The following MYOF variants were observed in gnomAD, a reference collection of about 807,000 sequenced individuals.
MYOF encodes myoferlin, also known as fer-1-like 3, myoferlin.
In MYOF, 244 loss-of-function variants were observed where a neutral mutation model predicts 284.2. The observed-to-expected ratio is 0.86, with a 90% CI of 0.77 to 0.95. The LOEUF (loss-of-function observed/expected upper bound fraction) is 0.95, where lower values mean the gene tolerates loss of function less well. Among genes scored for constraint, MYOF ranks in the 40% least tolerant of loss-of-function variants. The pLI is 0.00. For synonymous variants in MYOF, 904 were observed against 919.7 expected (o/e 0.98, Z 0.31); for missense variants, 2,496 against 2,560.6 (o/e 0.97, Z 0.54).
rs762488103 is a variant in MYOF, at chr10:93,333,832, C to G, written c.4645G>C (p.Val1549Leu). 2.0e-5 allele frequency: 32 copies of G among 1,613,966 alleles called. No homozygotes were observed. The South Asian group carries it at 2.9e-4, about 14-fold the overall frequency. ...PRQFRELPDSVPQECTVRIYI... is the reference protein window; with the variant it reads ...PRQFRELPDSLPQECTVRIYI... ...ATCCTAACCGTGCATTCCTGTGGGA[C>G]GCTGTCAGGTAATTCCCGAAACTGT... The change falls in exon 42 of 54, where the codon GTC (valine) becomes CTC (leucine). Residue 1549 changes from valine to leucine, a missense_variant. Val to Leu is a conservative substitution (Grantham distance 32). Coordinates refer to ENST00000359263, the MANE Select transcript of MYOF (RefSeq NM_013451.4).
intron 1 of MYOF, 143 bp from the exon 2 acceptor site, chr10:93,457,080 T>C: frequency 1.7e-6 from 1 of 603,236 alleles, no homozygotes. Flanking sequence ...GGTGTTTACC[T>C]GAATCACAGT....
intron 15 of MYOF, among the ~76,000 whole-genome samples, chr10:93,396,901 G>A (rs1410446272): frequency 6.6e-6 from 1 of 152,076 alleles, no homozygotes; most frequent in Non-Finnish European, 1.5e-5. Flanking sequence ...ACAATGAATT[G>A]CTCTCAGAAT....
At chr10:93,338,836 G>A (rs946022820) in intron 39 of MYOF, among the ~76,000 whole-genome samples, 3 of 151,828 alleles carry the variant, frequency 2.0e-5, no homozygotes, top group Non-Finnish European at 4.4e-5. Context: ...TCAAACTATA[G>A]AAGGCCTCCC....
intron 7 of MYOF, among the ~76,000 whole-genome samples, chr10:93,408,461 C>G (rs1847727156): frequency 1.3e-5 from 2 of 151,796 alleles, no homozygotes; most frequent in Non-Finnish European, 2.9e-5. Flanking sequence ...CACTTGAACC[C>G]CGGAGGTGGA....
intron 37 of MYOF, among the ~76,000 whole-genome samples, chr10:93,346,417 C>T (rs1844185828): frequency 6.6e-6 from 1 of 152,264 alleles, no homozygotes; most frequent in Non-Finnish European, 1.5e-5. Flanking sequence ...GCTGTTCCAG[C>T]CCTCCCACGG....
intron 18 of MYOF, 35 bp from the exon 19 acceptor site, chr10:93,387,948 C>G (rs1468213799): frequency 6.6e-7 from 1 of 1,519,590 alleles, no homozygotes; most frequent in East Asian, 2.3e-5. Flanking sequence ...TTCCTCTAGG[C>G]AGCAACAGCA....
At chr10:93,397,568 C>T (rs922435289) in intron 13 of MYOF, 112 bp from the exon 14 acceptor site, 43 of 619,808 alleles carry the variant, frequency 6.9e-5, no homozygotes, top group Non-Finnish European at 1.1e-4. Context: ...TACTTAGGAA[C>T]CTGGTTAAAC....
In MYOF at chr10:93,404,153, T is replaced by C; in HGVS notation, c.792+4A>G. The C allele has an allele frequency of 6.2e-7, 1 of 1,614,168 alleles. No homozygotes were observed. The highest frequency in any genetic ancestry group is 8.5e-7 in the Non-Finnish European group (1 of 1,180,000). ...GCAGTACCTTCCTACTTGCTGACCC[T>C]TACCCGGATGCTGATGATCTCATCC... On this transcript the variant is annotated splice_donor_region_variant and intron_variant, in intron 8 of 53. Coordinates refer to ENST00000359263, the MANE Select transcript of MYOF (RefSeq NM_013451.4).
intron 13 of MYOF, 42 bp from the exon 14 acceptor site, chr10:93,397,498 T>C (rs1326854258): frequency 6.6e-7 from 1 of 1,504,070 alleles, no homozygotes; most frequent in East Asian, 2.3e-5. Context: ...TTCAAGTTTC[T>C]AATTTCTAAA....
At position 93,369,637 on chromosome 10, in the gene MYOF, A is replaced by C; in HGVS notation, c.2589+8T>G. On this transcript the variant is annotated splice_region_variant and intron_variant, in intron 25 of 53. Coordinates refer to ENST00000359263, the MANE Select transcript of MYOF (RefSeq NM_013451.4). ...AAGAAGAAAAGATAGTGAAATCATT[A>C]AAGGTACCATTTCAGCAAAGACGGT... The C allele has an allele frequency of 6.2e-7, 1 of 1,614,116 alleles. No individual in the cohort carries two copies. Among genetic ancestry groups the C allele is most frequent in the Non-Finnish European group, 8.5e-7 (1 of 1,179,988 alleles).
intron 43 of MYOF, 145 bp from the exon 44 acceptor site, chr10:93,329,979 T>C: frequency 1.4e-6 from 1 of 739,982 alleles, no homozygotes; most frequent in Non-Finnish European, 2.3e-6. Context: ...TGGGTGGTGG[T>C]GGGTGGCTTG....
intron 50 of MYOF, among the ~76,000 whole-genome samples, chr10:93,315,493 G>A (rs1399415893): frequency 6.6e-6 from 1 of 152,160 alleles, no homozygotes; most frequent in African/African-American, 2.4e-5. Flanking sequence ...TGGAGGGGTT[G>A]TGAGCTGCTA....
chr10:93,443,640 G>A (rs1277751307), intron 3 of MYOF, among the ~76,000 whole-genome samples: 1 of 152,100 alleles, frequency 6.6e-6, no homozygotes, highest in Non-Finnish European at 1.5e-5. Flanking sequence ...ATGGAAATGA[G>A]TCTCTCTAGG....
rs772298449 is a variant in MYOF, at chr10:93,353,892, A to G, written c.3404-4T>C. 1.2e-6 allele frequency: 2 copies of G among 1,601,386 alleles called. No homozygotes were observed. The highest frequency in any genetic ancestry group is 8.5e-7 in the Non-Finnish European group (1 of 1,171,832). On this transcript the variant is annotated splice_region_variant and splice_polypyrimidine_tract_variant and intron_variant, in intron 31 of 53. Coordinates refer to ENST00000359263, the MANE Select transcript of MYOF (RefSeq NM_013451.4). ...CGCAGATGGTAGATGTAGACTCCTAAAAAAACAGGATAAAGATTACTTACA... is the reference window on the plus strand; with the variant it reads ...CGCAGATGGTAGATGTAGACTCCTAGAAAAACAGGATAAAGATTACTTACA...
At chr10:93,417,020 T>C (rs919190853) in intron 5 of MYOF, among the ~76,000 whole-genome samples, 1 of 152,224 alleles carries the variant, frequency 6.6e-6, no homozygotes, top group African/African-American at 2.4e-5. Flanking sequence ...TTAAGTGACA[T>C]GCCTACTGTC....
At chr10:93,319,324 G>A (rs1489864850) in intron 49 of MYOF, among the ~76,000 whole-genome samples, 13 of 152,198 alleles carry the variant, frequency 8.5e-5, no homozygotes, top group African/African-American at 3.1e-4. Context: ...GCCAGCAGAA[G>A]CCTGGACTTT....
intron 22 of MYOF, among the ~76,000 whole-genome samples, chr10:93,376,577 G>A (rs1467877032): frequency 6.6e-6 from 1 of 151,828 alleles, no homozygotes; most frequent in East Asian, 2.0e-4. Context: ...GGAGGCACAA[G>A]AAGACAGGGT....
intron 3 of MYOF, among the ~76,000 whole-genome samples, chr10:93,445,228 A>G (rs530136542): frequency 2.0e-5 from 3 of 152,338 alleles, no homozygotes; most frequent in African/African-American, 4.8e-5. Context: ...AGGCCTGGAT[A>G]TAGATGAGCT....
intron 44 of MYOF, 150 bp downstream of exon 44, chr10:93,329,514 T>A: frequency 1.2e-6 from 1 of 807,434 alleles, no homozygotes; most frequent in Non-Finnish European, 1.9e-6. Context: ...GCCCGGAGAT[T>A]CCCTAGAATA....
Sources: gnomAD v4.1 joint callset for allele counts (sites outside exome capture counted in the v4.1 genomes callset) on GRCh38, gnomAD v4.1.1 for gene constraint, MANE v1.5 for transcripts, NCBI Gene and HGNC (gene_info 2026-07-23, HGNC 2026-07-21) for gene names.